The following CDC73 variants were observed in gnomAD, a reference collection of about 807,000 sequenced individuals.
The protein encoded by CDC73 is cell division cycle 73, also known as parafibromin.
Under a neutral mutation model 83.7 loss-of-function variants are expected in CDC73, and 21 were observed. The observed-to-expected ratio is 0.25, with a 90% confidence interval of 0.18 to 0.36. CDC73 has a LOEUF of 0.36. Ranked by LOEUF, CDC73 falls within the 10% of genes least tolerant of loss-of-function variation. The pLI is 1.00. For missense variants in CDC73, 342 were observed against 653.3 expected, an observed-to-expected ratio of 0.52 and a Z score of 5.19; for synonymous variants, 224 against 212.9, an observed-to-expected ratio of 1.05 and a Z score of -0.45.
At position 193,144,679 on chromosome 1, in the gene CDC73, A is replaced by G. The variant is rs192993962; in HGVS notation, c.729+2613A>G. On this transcript the variant is annotated intron_variant, in intron 7 of 16. Transcript: ENST00000367435. ...TGTCTTTTTATTATTTTGTGTGACG[A>G]AATTGGAATGTAGAAGCACTTCTGC... 5.6e-4 allele frequency among the ~76,000 whole-genome samples: 86 copies of G among 152,300 alleles called. No homozygotes were observed. In the Middle Eastern group the frequency reaches 0.027, roughly 48 times the overall value.
chr1:193,156,375 C>G (rs1322329029), intron 10 of CDC73, among the ~76,000 whole-genome samples: 3 of 152,184 alleles, frequency 2.0e-5, no homozygotes, highest in African/African-American at 7.2e-5. Flanking sequence ...GCATCTCACA[C>G]CCTGCAATTA....
chr1:193,163,053 C>A (rs1012334650), intron 10 of CDC73, among the ~76,000 whole-genome samples: 1 of 151,906 alleles, frequency 6.6e-6, no homozygotes, highest in Non-Finnish European at 1.5e-5. Context: ...TTCACAATAT[C>A]CTTAGGAATT....
At chr1:193,164,872 T>C (rs1166186240) in intron 10 of CDC73, among the ~76,000 whole-genome samples, 1 of 152,238 alleles carries the variant, frequency 6.6e-6, no homozygotes, top group Non-Finnish European at 1.5e-5. Flanking sequence ...GTGAGGGAAC[T>C]AGCTCTTTTG....
chr1:193,183,594 A>G (rs1676755785), intron 10 of CDC73, among the ~76,000 whole-genome samples: 1 of 151,384 alleles, frequency 6.6e-6, no homozygotes, highest in South Asian at 2.1e-4. Flanking sequence ...GTACTTTTAA[A>G]TAGCTGGCCA....
intron 10 of CDC73, among the ~76,000 whole-genome samples, chr1:193,189,431 G>A (rs945224052): frequency 2.0e-4 from 31 of 152,266 alleles, no homozygotes; most frequent in African/African-American, 6.3e-4. Flanking sequence ...TCTTCCTTTA[G>A]TCTAGTTTCT....
intron 11 of CDC73, among the ~76,000 whole-genome samples, chr1:193,206,915 A>G (rs770059773): frequency 2.2e-4 from 33 of 152,192 alleles, no homozygotes; most frequent in South Asian, 1.4e-3. Context: ...AAAATTTCCA[A>G]CCTCTCAAAA....
At chr1:193,232,913 AAT>A in intron 13 of CDC73, 78 bp from the exon 14 acceptor site, 3 of 1,315,738 alleles carry the variant, frequency 2.3e-6, no homozygotes, top group Non-Finnish European at 3.2e-6. Flanking sequence ...AAAAAAAAAA[AAT>A]ATTTCAAATT....
chr1:193,235,757 T>C (rs1166800917), intron 14 of CDC73, among the ~76,000 whole-genome samples: 1 of 152,330 alleles, frequency 6.6e-6, no homozygotes, highest in Non-Finnish European at 1.5e-5. Context: ...ACTTCCTAAG[T>C]AATCACAAGA....
In CDC73 at chr1:193,138,090, A is replaced by G. The variant is rs1258202181; in HGVS notation, c.429A>G (p.Glu143=). Residue 143 remains glutamate (E), a synonymous_variant, in exon 6 of 17, where the codon GAA becomes GAG. Coordinates refer to ENST00000367435, the MANE Select transcript of CDC73 (RefSeq NM_024529.5). ...AEAKKPRIED[E]ECVRLDKERL... is the part of the protein sequence containing the mutation. ...TAACCAGTGGTTATTTCCAGGATGA[A>G]GAGTGTGTGCGCCTTGATAAAGAGA... The G allele has an allele frequency of 1.2e-6, 2 of 1,612,176 alleles. No individual in the cohort carries two copies. Among genetic ancestry groups the G allele is most frequent in the Non-Finnish European group, 1.7e-6 (2 of 1,178,364 alleles).
intron 13 of CDC73, among the ~76,000 whole-genome samples, chr1:193,226,715 G>T (rs1449582023): frequency 1.3e-5 from 2 of 152,126 alleles, no homozygotes; most frequent in African/African-American, 4.8e-5. Context: ...GTTGGATTTG[G>T]TTAGATGTAT....
Position 193,253,970 on chromosome 1 carries a change from A to T in CDC73, c.*3258A>T. On this transcript the variant is annotated 3_prime_UTR_variant, in exon 17 of 17. Coordinates refer to ENST00000367435, the MANE Select transcript of CDC73 (RefSeq NM_024529.5). ...TATTTGTTGAACTAAAGTATATAAA[A>T]TTTTTTGAGACTAGCAGTATATTTT... The T allele has an allele frequency of 4.5e-6, 1 of 222,780 alleles. No homozygotes were observed. Among genetic ancestry groups the T allele is most frequent in the Non-Finnish European group, 9.0e-6 (1 of 111,568 alleles). The allele number at this position is 222,780 out of a possible 1,614,324, so 13.8% of individuals were successfully genotyped here.
chr1:193,219,293 G>A (rs1677424060), intron 13 of CDC73, among the ~76,000 whole-genome samples: 1 of 152,110 alleles, frequency 6.6e-6, no homozygotes, highest in Admixed American at 6.5e-5. Context: ...GCTCCTGGTG[G>A]GAATGTAATT....
intron 7 of CDC73, among the ~76,000 whole-genome samples, chr1:193,143,421 C>T (rs549679498): frequency 1.1e-4 from 16 of 152,140 alleles, no homozygotes; most frequent in Admixed American, 4.6e-4. Context: ...AGGTGATATA[C>T]CCTACCTAAC....
chr1:193,227,237 T>C (rs2102052907), intron 13 of CDC73, among the ~76,000 whole-genome samples: 1 of 152,244 alleles, frequency 6.6e-6, no homozygotes, highest in African/African-American at 2.4e-5. Context: ...TTTATTTTTG[T>C]TTCAATTTCA....
At chr1:193,147,313 T>C (rs1676018243) in intron 7 of CDC73, among the ~76,000 whole-genome samples, 1 of 152,112 alleles carries the variant, frequency 6.6e-6, no homozygotes, top group Admixed American at 6.5e-5. Flanking sequence ...TTAACTTGCT[T>C]TCTGGTTATA....
At chr1:193,203,720 T>A in intron 10 of CDC73, 75 bp from the exon 11 acceptor site, 8 of 1,174,292 alleles carry the variant, frequency 6.8e-6, no homozygotes, top group Non-Finnish European at 1.0e-5. Context: ...AGATATGAGA[T>A]TTCTTTGGAA....
At chr1:193,180,357 G>A (rs1676692041) in intron 10 of CDC73, 3 of 1,611,884 alleles carry the variant, frequency 1.9e-6, no homozygotes, top group African/African-American at 2.7e-5. Flanking sequence ...CACAGGCATT[G>A]TGCTTATTTT....
intron 14 of CDC73, among the ~76,000 whole-genome samples, chr1:193,235,079 G>A (rs1162049130): frequency 6.6e-6 from 1 of 152,052 alleles, no homozygotes; most frequent in Non-Finnish European, 1.5e-5. Context: ...GGTTATCAAA[G>A]TGTGGTCTGC....
chr1:193,200,182 C>A (rs974412212), intron 10 of CDC73, among the ~76,000 whole-genome samples: 1 of 152,048 alleles, frequency 6.6e-6, no homozygotes, highest in Non-Finnish European at 1.5e-5. Context: ...CAAGATTGCA[C>A]CACTGCACTG....
Sources: gnomAD v4.1 joint callset for allele counts (sites outside exome capture counted in the v4.1 genomes callset) on GRCh38, gnomAD v4.1.1 for gene constraint, MANE v1.5 for transcripts, NCBI Gene and HGNC (gene_info 2026-07-23, HGNC 2026-07-21) for gene names.